Variants in HOXC4 observed in about 807,000 individuals in gnomAD.
HOXC4 encodes the protein homeobox protein Hox-C4.
Under a neutral mutation model 25.5 loss-of-function variants are expected in HOXC4, and 15 were observed. The ratio of observed to expected loss-of-function variants is 0.59; its 90% confidence interval spans 0.39 to 0.91. HOXC4 has a LOEUF of 0.91. HOXC4 is among the 40% of genes least tolerant of loss of function. HOXC4 has a pLI of 0.00. For missense variants in HOXC4, 342 were observed against 352.4 expected (o/e 0.97, Z 0.24); for synonymous variants, 165 against 148.0 (o/e 1.11, Z -0.83).
At chr12:54,045,145 T>C (rs1034017824) in intron 1 of HOXC4, among the ~76,000 whole-genome samples, 12 of 152,252 alleles carry the variant, frequency 7.9e-5, no homozygotes, top group African/African-American at 2.9e-4. Flanking sequence ...CACTAGAGAT[T>C]CCTCTTCATT....
At chr12:54,033,656 C>T in intron 1 of HOXC4, 1 of 1,225,478 alleles carries the variant, frequency 8.2e-7, no homozygotes, top group Non-Finnish European at 1.1e-6. Context: ...AGAAAAAAAA[C>T]CTGCGGCCAT....
At chr12:54,044,709 GTGTGAGTGTGTGTGTT>G (rs552278414) in intron 1 of HOXC4, among the ~76,000 whole-genome samples, 2,145 of 142,108 alleles carry the variant, frequency 0.015, 64 homozygotes, top group African/African-American at 0.051. Context: ...GTGCAGGGGT[GTGTGAGTGTGTGTGTT>G]TGTGTGTGTG....
At chr12:54,036,987 C>T (rs569726021) in intron 1 of HOXC4, among the ~76,000 whole-genome samples, 10 of 152,198 alleles carry the variant, frequency 6.6e-5, no homozygotes, top group South Asian at 2.1e-4. Flanking sequence ...CCAGCCCCAC[C>T]GTGCACTGAC....
At chr12:54,030,229 T>C (rs768523141) in intron 1 of HOXC4, 2 of 336,572 alleles carry the variant, frequency 5.9e-6, no homozygotes, top group East Asian at 4.8e-5. Context: ...CGTCCAGGCC[T>C]TGGGGGCTCG....
At chr12:54,040,154 C>T (rs937365833) in intron 1 of HOXC4, among the ~76,000 whole-genome samples, 3 of 152,148 alleles carry the variant, frequency 2.0e-5, no homozygotes, top group Admixed American at 6.5e-5. Context: ...TACCCCAAAC[C>T]CTAATTTGGA....
chr12:54,054,040 A>C lies in HOXC4; in HGVS notation c.118A>C (p.Thr40Pro). ...ACACAGTCCGGAATATTACGGCCGG[A>C]CCAGGGAATCGGGATTCCAGCATCA... is the stretch of plus-strand genomic sequence containing the variant. The part of the protein sequence containing the change: ...PEHSPEYYGR[T>P]RESGFQHHHQ... Residue 40 changes from threonine (T) to proline (P), a missense_variant, in exon 1 of 2, where the codon ACC becomes CCC. Physicochemically the swap from Thr to Pro is conservative, Grantham distance 38. Coordinates refer to ENST00000430889, the MANE Select transcript of HOXC4 (RefSeq NM_153633.3). 2 of 1,613,418 alleles carry C rather than the reference A, an allele frequency of 1.2e-6. No homozygotes were observed. Among genetic ancestry groups the C allele is most frequent in the Non-Finnish European group, 1.7e-6 (2 of 1,179,390 alleles).
In HOXC4 at chr12:54,053,841, A is replaced by T; in HGVS notation, c.-82A>T. On this transcript the variant is annotated 5_prime_UTR_variant, in exon 1 of 2. Transcript: ENST00000430889. ...GGAGTCACATGGTGAAAGTAACTTT[A>T]CAGGGTCGCTAGCTAGTAGGAGGGC... 1.8e-6 allele frequency: 2 copies of T among 1,093,430 alleles called. No homozygotes were observed. Among genetic ancestry groups the T allele is most frequent in the East Asian group, 2.4e-5 (1 of 41,760 alleles). The allele number at this position is 1,093,430 out of a possible 1,614,324, so 67.7% of individuals were successfully genotyped here.
chr12:54,033,171 C>T (rs767658858), intron 1 of HOXC4: 1 of 1,614,206 alleles, frequency 6.2e-7, no homozygotes, highest in Non-Finnish European at 8.5e-7. Flanking sequence ...CCCCAATATC[C>T]CTGCCTATAA....
chr12:54,040,870 G>C (rs1941261152), intron 1 of HOXC4, among the ~76,000 whole-genome samples: 1 of 152,186 alleles, frequency 6.6e-6, no homozygotes, highest in Non-Finnish European at 1.5e-5. Context: ...TTAGGGAAGG[G>C]AGCAAAAGTG....
intron 1 of HOXC4, chr12:54,033,199 A>G: frequency 6.2e-7 from 1 of 1,614,192 alleles, no homozygotes; most frequent in Non-Finnish European, 8.5e-7. Flanking sequence ...ACTTGTGGGA[A>G]CTATGGATCG....
At chr12:54,028,463 A>G (rs536737464) in intron 1 of HOXC4, 2 of 1,553,854 alleles carry the variant, frequency 1.3e-6, no homozygotes, top group African/African-American at 2.7e-5. Context: ...TCCGAGTACA[A>G]ACTGGAGACA....
At chr12:54,052,452 A>C (rs966062914), upstream of HOXC4, among the ~76,000 whole-genome samples, 3 of 152,140 alleles carry the variant, frequency 2.0e-5, no homozygotes, top group African/African-American at 7.2e-5. Flanking sequence ...ATTGTTATCA[A>C]GTACAACAAG....
At chr12:54,018,101 C>G (rs959318746) in intron 1 of HOXC4, among the ~76,000 whole-genome samples, 10 of 152,182 alleles carry the variant, frequency 6.6e-5, no homozygotes, top group Middle Eastern at 3.4e-3. Flanking sequence ...CTCCCGCCCC[C>G]ACTCGGGCGG....
At chr12:54,039,739 C>T (rs1359644137) in intron 1 of HOXC4, among the ~76,000 whole-genome samples, 1 of 152,006 alleles carries the variant, frequency 6.6e-6, no homozygotes, top group African/African-American at 2.4e-5. Flanking sequence ...TCTTCCCCAC[C>T]CTCCAGCCTC....
At position 54,055,307 on chromosome 12, in the gene HOXC4, T is replaced by C. The variant is rs1937952300; in HGVS notation, c.*102T>C. 7.4e-6 allele frequency: 2 copies of C among 269,408 alleles called. No homozygotes were observed. Among genetic ancestry groups the C allele is most frequent in the Admixed American group, 6.1e-5 (1 of 16,390 alleles). 16.7% of individuals were successfully genotyped at this position (269,408 alleles called of 1,614,324 possible). A position where few individuals can be genotyped will look rare whatever the true frequency, so the allele number is the denominator to read the frequency against. Reference sequence around the variant, plus strand: ...TTTAATATATATATATATATATATATATATAGGTTCTTTTCTCTCTTCCTC... The same window carrying C: ...TTTAATATATATATATATATATATACATATAGGTTCTTTTCTCTCTTCCTC... On this transcript the variant is annotated 3_prime_UTR_variant, in exon 2 of 2. Transcript: ENST00000430889.
intron 1 of HOXC4, chr12:54,030,019 C>T: frequency 7.2e-7 from 1 of 1,391,094 alleles, no homozygotes; most frequent in Non-Finnish European, 9.6e-7. Context: ...CACCAACTCT[C>T]CCCTAATCAC....
chr12:54,036,637 T>C (rs1440395144), intron 1 of HOXC4, among the ~76,000 whole-genome samples: 1 of 152,142 alleles, frequency 6.6e-6, no homozygotes, highest in Non-Finnish European at 1.5e-5. Context: ...GCCTGTTGTC[T>C]CTCCTCAACT....
At chr12:54,030,657 A>G (rs1199277566) in intron 1 of HOXC4, 1 of 152,698 alleles carries the variant, frequency 6.5e-6, no homozygotes, top group African/African-American at 2.4e-5. Context: ...AGGAAAAAAA[A>G]GAGGGAAAAT....
Position 54,053,931 on chromosome 12 carries a change from G to C in HOXC4, c.9G>C (p.Met3Ile). MI[M>I]SSYLMDSNYI... is the part of the protein sequence containing the mutation. Reference sequence around the variant, plus strand: ...TTCCACTCCAGAAATTAATGATCATGAGCTCGTATTTGATGGACTCTAACT... The same window carrying C: ...TTCCACTCCAGAAATTAATGATCATCAGCTCGTATTTGATGGACTCTAACT... The change falls in exon 1 of 2, where the codon ATG becomes ATC. Residue 3 changes from methionine to isoleucine, a missense_variant. Met to Ile is a conservative substitution (Grantham distance 10, BLOSUM62 1). Transcript: ENST00000430889. The C allele has an allele frequency of 6.2e-7, 1 of 1,604,150 alleles. No individual in the cohort carries two copies. Among genetic ancestry groups the C allele is most frequent in the Non-Finnish European group, 8.5e-7 (1 of 1,171,736 alleles).
Sources: gnomAD v4.1 joint callset for allele counts (sites outside exome capture counted in the v4.1 genomes callset) on GRCh38, gnomAD v4.1.1 for gene constraint, MANE v1.5 for transcripts, NCBI Gene and HGNC (gene_info 2026-07-23, HGNC 2026-07-21) for gene names.